WDR37: variants seen among roughly 807,000 people sequenced by gnomAD.
WDR37 encodes the protein WD repeat domain 37, also known as WD repeat-containing protein 37.
A neutral mutation model predicts 62.9 loss-of-function variants in WDR37; 19 were observed. That is an observed-to-expected ratio of 0.30 (90% CI 0.21 to 0.44). The LOEUF (loss-of-function observed/expected upper bound fraction) is 0.44. WDR37 is among the 20% of genes least tolerant of loss of function. WDR37 has a pLI of 1.00. For missense variants in WDR37, 474 were observed against 657.6 expected (o/e 0.72, Z 3.05); for synonymous variants, 250 against 260.9 (o/e 0.96, Z 0.40).
At position 1,074,227 on chromosome 10, in the gene WDR37, T is replaced by C. The variant is rs913319366; in HGVS notation, c.138+1934T>C. The stretch of plus-strand genomic sequence containing the variant: ...GTAGGTTCACGTACATTTCTAGCAG[T>C]GGAAACCCTGCAGCCTCCCCTGCTG... On this transcript the variant is annotated intron_variant, in intron 2 of 13. Coordinates refer to ENST00000263150, the MANE Select transcript of WDR37 (RefSeq NM_014023.4). 7.7e-6 allele frequency: 5 copies of C among 649,504 alleles called. No homozygotes were observed. In the East Asian group the frequency reaches 6.8e-4, roughly 89 times the overall value. The allele number at this position is 649,504 out of a possible 1,614,324, so 40.2% of individuals were successfully genotyped here.
chr10:1,107,106 C>T (rs1050698727), intron 11 of WDR37, among the ~76,000 whole-genome samples: 18 of 152,378 alleles, frequency 1.2e-4, no homozygotes, highest in African/African-American at 3.6e-4. Flanking sequence ...CTGAGCTGGG[C>T]CCCCATGAGC....
intron 1 of WDR37, among the ~76,000 whole-genome samples, chr10:1,064,110 A>T (rs1490882825): frequency 1.3e-5 from 2 of 152,256 alleles, no homozygotes; most frequent in Non-Finnish European, 2.9e-5. Flanking sequence ...AAAATACAGG[A>T]TGTAAAAAAG....
At chr10:1,108,562 G>A (rs909534494) in intron 11 of WDR37, among the ~76,000 whole-genome samples, 3 of 152,184 alleles carry the variant, frequency 2.0e-5, no homozygotes, top group African/African-American at 4.8e-5. Flanking sequence ...ACCTTTCCTC[G>A]GTCCAGGGCT....
At chr10:1,071,401 A>G (rs376157373) in intron 1 of WDR37, among the ~76,000 whole-genome samples, 3 of 152,242 alleles carry the variant, frequency 2.0e-5, no homozygotes, top group African/African-American at 7.2e-5. Context: ...ATGTGTGTAA[A>G]TATATTACCT....
chr10:1,111,684 A>G (rs561877974), intron 11 of WDR37, among the ~76,000 whole-genome samples: 3 of 152,272 alleles, frequency 2.0e-5, no homozygotes, highest in African/African-American at 7.2e-5. Context: ...GAATTTTACC[A>G]TGATAGTACT....
chr10:1,077,178 G>A (rs1406128368), intron 2 of WDR37, among the ~76,000 whole-genome samples: 5 of 152,126 alleles, frequency 3.3e-5, no homozygotes, highest in Admixed American at 6.5e-5. Context: ...CTGTTGACTG[G>A]TGGGTCCAAG....
intron 7 of WDR37, among the ~76,000 whole-genome samples, chr10:1,090,316 G>A (rs867534640): frequency 6.6e-6 from 1 of 152,146 alleles, no homozygotes; most frequent in African/African-American, 2.4e-5. Context: ...ATGCCACCAC[G>A]CCCAGCTAAG....
Position 1,077,804 on chromosome 10 carries a change from A to G in WDR37, c.139-103A>G, listed in dbSNP as rs558249158. 16 of 863,678 alleles carry G rather than the reference A, an allele frequency of 1.9e-5. No homozygotes were observed. In the African/African-American group the frequency reaches 1.9e-4, roughly 10 times the overall value. The allele number at this position is 863,678 out of a possible 1,614,324, so 53.5% of individuals were successfully genotyped here. A position where few individuals can be genotyped will look rare whatever the true frequency, so the allele number is the denominator to read the frequency against. ...ATATATAAAAATATGTAATAATACA[A>G]AATAAGAGTTTACAATAAAAGATAA... On this transcript the variant is annotated intron_variant, in intron 2 of 13. Transcript: ENST00000263150.
intron 1 of WDR37, among the ~76,000 whole-genome samples, chr10:1,058,063 G>A (rs926526624): frequency 1.3e-5 from 2 of 152,226 alleles, no homozygotes; most frequent in African/African-American, 4.8e-5. Context: ...TATGTCCCAG[G>A]AGTTAAACAC....
intron 13 of WDR37, among the ~76,000 whole-genome samples, chr10:1,125,670 G>C (rs1311878968): frequency 6.6e-6 from 1 of 152,222 alleles, no homozygotes; most frequent in African/African-American, 2.4e-5. Flanking sequence ...TGTCTGTGCA[G>C]ATTGGAAGTG....
intron 1 of WDR37, among the ~76,000 whole-genome samples, chr10:1,060,304 G>A (rs1276923994): frequency 2.0e-5 from 3 of 152,212 alleles, no homozygotes; most frequent in Non-Finnish European, 4.4e-5. Flanking sequence ...GCAGTGGGGT[G>A]TATTACGTAC....
In WDR37 at chr10:1,056,431, C is replaced by G. The variant is rs1253388010; in HGVS notation, c.-578C>G. Reference sequence around the variant, plus strand: ...GACCGCGCCGTCCCCGCCAGGCTCCCGCGCGGCCGGCACCGCGGCCCTGAG... The same window carrying G: ...GACCGCGCCGTCCCCGCCAGGCTCCGGCGCGGCCGGCACCGCGGCCCTGAG... On this transcript the variant is annotated 5_prime_UTR_variant, in exon 1 of 14. Coordinates refer to ENST00000263150, the MANE Select transcript of WDR37 (RefSeq NM_014023.4). The G allele has an allele frequency of 1.3e-5, 2 of 152,174 alleles. No individual in the cohort carries two copies. The highest frequency in any genetic ancestry group is 2.9e-5 in the Non-Finnish European group (2 of 68,056). The allele number at this position is 152,174 out of a possible 1,614,324, so 9.4% of individuals were successfully genotyped here.
chr10:1,065,985 G>GT (rs1564495632), intron 1 of WDR37, among the ~76,000 whole-genome samples: 1 of 151,088 alleles, frequency 6.6e-6, no homozygotes, highest in African/African-American at 2.4e-5. Flanking sequence ...GAATGTACAC[G>GT]TTTAATACAT....
intron 1 of WDR37, among the ~76,000 whole-genome samples, chr10:1,066,132 T>C (rs1312062858): frequency 2.0e-5 from 3 of 151,928 alleles, no homozygotes; most frequent in African/African-American, 7.2e-5. Context: ...TTTTTTTTTT[T>C]AGAAACGGAG....
At chr10:1,074,516 GC>G in intron 2 of WDR37, 2 of 1,304,136 alleles carry the variant, frequency 1.5e-6, no homozygotes, top group Non-Finnish European at 2.0e-6. Context: ...TCTGTAAGTG[GC>G]CCCCGTGAGG....
chr10:1,073,305 C>G (rs929201660), intron 2 of WDR37, among the ~76,000 whole-genome samples: 3 of 152,194 alleles, frequency 2.0e-5, no homozygotes, highest in African/African-American at 7.2e-5. Flanking sequence ...AAGCTTAAAC[C>G]TGAGAAATTG....
intron 11 of WDR37, among the ~76,000 whole-genome samples, chr10:1,122,494 C>T (rs954416303): frequency 6.6e-6 from 1 of 152,194 alleles, no homozygotes; most frequent in African/African-American, 2.4e-5. Flanking sequence ...CCTGGGTGGG[C>T]CACTCATGCC....
chr10:1,124,127 C>T, intron 11 of WDR37, 91 bp from the exon 12 acceptor site: 1 of 1,571,498 alleles, frequency 6.4e-7, no homozygotes, highest in Non-Finnish European at 8.7e-7. Flanking sequence ...CTCCGACCTC[C>T]TTCCCACCCA....
At chr10:1,109,364 AG>A (rs561798513) in intron 11 of WDR37, among the ~76,000 whole-genome samples, 129 of 152,348 alleles carry the variant, frequency 8.5e-4, no homozygotes, top group African/African-American at 2.7e-3. Context: ...TTCGCTTCTA[AG>A]GCTGTTGCAA....
Sources: gnomAD v4.1 joint callset for allele counts (sites outside exome capture counted in the v4.1 genomes callset) on GRCh38, gnomAD v4.1.1 for gene constraint, MANE v1.5 for transcripts, NCBI Gene and HGNC (gene_info 2026-07-23, HGNC 2026-07-21) for gene names.